Variants in SLC9A9 observed in about 807,000 individuals in gnomAD.
The protein encoded by SLC9A9 is sodium/hydrogen exchanger 9.
A neutral mutation model predicts 77.8 loss-of-function variants in SLC9A9; 62 were observed. The observed-to-expected ratio is 0.80, with a 90% confidence interval of 0.65 to 0.98. The LOEUF is 0.98. Ranked by LOEUF, SLC9A9 falls within the 50% of genes least tolerant of loss-of-function variation. SLC9A9 has a pLI of 0.00. For synonymous variants in SLC9A9, 320 were observed against 283.5 expected, an observed-to-expected ratio of 1.13 and a Z score of -1.29; for missense variants, 775 against 774.9, an observed-to-expected ratio of 1.00 and a Z score of 0.00.
At chr3:143,701,364 G>T in intron 4 of SLC9A9, among the ~76,000 whole-genome samples, 1 of 152,166 alleles carries the variant, frequency 6.6e-6, no homozygotes, top group Non-Finnish European at 1.5e-5. Flanking sequence ...TTTTGACAGA[G>T]AATTCAAAAT....
intron 10 of SLC9A9, among the ~76,000 whole-genome samples, chr3:143,494,349 T>A (rs2035798530): frequency 6.6e-6 from 1 of 152,226 alleles, no homozygotes; most frequent in African/African-American, 2.4e-5. Context: ...TTGGCGCTCT[T>A]CATCTTTCCC....
intron 2 of SLC9A9, among the ~76,000 whole-genome samples, chr3:143,803,605 C>G (rs961112076): frequency 6.6e-6 from 1 of 152,132 alleles, no homozygotes; most frequent in South Asian, 2.1e-4. Context: ...AATACTTTCA[C>G]CCTGATGAAG....
At chr3:143,576,686 T>A (rs991271479) in intron 7 of SLC9A9, among the ~76,000 whole-genome samples, 6 of 152,308 alleles carry the variant, frequency 3.9e-5, no homozygotes, top group South Asian at 2.1e-4. Flanking sequence ...GCTGGCTGCA[T>A]GACCTTGGGC....
intron 4 of SLC9A9, among the ~76,000 whole-genome samples, chr3:143,788,812 A>C (rs2008134269): frequency 6.6e-6 from 1 of 151,950 alleles, no homozygotes; most frequent in African/African-American, 2.4e-5. Flanking sequence ...AAATGAGTAT[A>C]GATTGTTATG....
chr3:143,478,441 GT>G, intron 11 of SLC9A9, among the ~76,000 whole-genome samples: 1 of 152,314 alleles, frequency 6.6e-6, no homozygotes, highest in East Asian at 1.9e-4. Context: ...TTCTGGAGCA[GT>G]CTTCCAGGCA....
intron 14 of SLC9A9, among the ~76,000 whole-genome samples, chr3:143,270,869 C>T (rs1311544138): frequency 2.0e-5 from 3 of 152,192 alleles, no homozygotes; most frequent in Non-Finnish European, 4.4e-5. Context: ...CGTAGTAGTG[C>T]TCCTTTATTT....
chr3:143,450,260 T>C (rs866575656), intron 12 of SLC9A9, among the ~76,000 whole-genome samples: 54 of 143,714 alleles, frequency 3.8e-4, no homozygotes, highest in African/African-American at 1.2e-3. Context: ...TATTGTAACA[T>C]AAAAATTATT....
At chr3:143,510,869 G>A (rs540092436) in intron 9 of SLC9A9, among the ~76,000 whole-genome samples, 5 of 152,280 alleles carry the variant, frequency 3.3e-5, no homozygotes, top group Non-Finnish European at 4.4e-5. Flanking sequence ...CCTCAGTAAT[G>A]TTCAGAAGGA....
chr3:143,275,453 T>C (rs1292347977), intron 14 of SLC9A9, among the ~76,000 whole-genome samples: 1 of 152,208 alleles, frequency 6.6e-6, no homozygotes, highest in Non-Finnish European at 1.5e-5. Context: ...TCTATTTCCT[T>C]GCTTTGCGTT....
intron 8 of SLC9A9, among the ~76,000 whole-genome samples, chr3:143,556,897 C>T (rs1217569040): frequency 6.6e-6 from 1 of 152,176 alleles, no homozygotes; most frequent in Non-Finnish European, 1.5e-5. Flanking sequence ...ATGAGGAACA[C>T]TAGGGGCAGG....
intron 8 of SLC9A9, among the ~76,000 whole-genome samples, chr3:143,565,215 A>T (rs1390193706): frequency 1.3e-5 from 2 of 152,096 alleles, no homozygotes; most frequent in Admixed American, 1.3e-4. Flanking sequence ...GTATTCACTC[A>T]CTTGTATTCT....
intron 5 of SLC9A9, among the ~76,000 whole-genome samples, chr3:143,676,335 T>G (rs1327227968): frequency 6.6e-6 from 1 of 152,224 alleles, no homozygotes; most frequent in Non-Finnish European, 1.5e-5. Context: ...TTATAACAAT[T>G]ACACACACAC....
chr3:143,523,901 C>T (rs117274396), intron 9 of SLC9A9, among the ~76,000 whole-genome samples: 22 of 151,914 alleles, frequency 1.4e-4, no homozygotes, highest in South Asian at 6.2e-4. Context: ...CTATATAAAA[C>T]GAAGAAAGAT....
chr3:143,557,300 T>C (rs1199292047), intron 8 of SLC9A9, among the ~76,000 whole-genome samples: 6 of 152,222 alleles, frequency 3.9e-5, no homozygotes, highest in Admixed American at 3.9e-4. Flanking sequence ...ATTAAACCTC[T>C]TCTTTATAAA....
At chr3:143,631,087 AC>A (rs1190184985) in intron 6 of SLC9A9, among the ~76,000 whole-genome samples, 4 of 152,194 alleles carry the variant, frequency 2.6e-5, no homozygotes, top group African/African-American at 9.6e-5. Context: ...CTGCAAAGCT[AC>A]TAGAAATACT....
chr3:143,592,543 T>C (rs563574056), intron 6 of SLC9A9, among the ~76,000 whole-genome samples: 1 of 152,214 alleles, frequency 6.6e-6, no homozygotes, highest in African/African-American at 2.4e-5. Flanking sequence ...TAATGATAGA[T>C]CAGAAAGACT....
At chr3:143,518,300 CCA>C in intron 9 of SLC9A9, 1 of 1,032,112 alleles carries the variant, frequency 9.7e-7, no homozygotes, top group Non-Finnish European at 1.5e-6. Flanking sequence ...CTCAGCGTGA[CCA>C]CGCAGAAAGG....
intron 12 of SLC9A9, among the ~76,000 whole-genome samples, chr3:143,451,492 C>T (rs547156761): frequency 6.6e-6 from 1 of 152,090 alleles, no homozygotes; most frequent in African/African-American, 2.4e-5. Context: ...AAAACACATA[C>T]TAGTAAGTAA....
At chr3:143,637,072 A>G (rs2038535348) in intron 6 of SLC9A9, among the ~76,000 whole-genome samples, 1 of 152,226 alleles carries the variant, frequency 6.6e-6, no homozygotes, top group African/African-American at 2.4e-5. Context: ...GTCACCATGA[A>G]AAAACAGTGT....
Sources: gnomAD v4.1 joint callset for allele counts (sites outside exome capture counted in the v4.1 genomes callset) on GRCh38, gnomAD v4.1.1 for gene constraint, MANE v1.5 for transcripts, NCBI Gene and HGNC (gene_info 2026-07-23, HGNC 2026-07-21) for gene names.